Variants in CHST11 observed in about 807,000 individuals in gnomAD.
The protein encoded by CHST11 is carbohydrate sulfotransferase 11, also known as C4S-1.
In CHST11, 9 loss-of-function variants were observed where a neutral mutation model predicts 30.4. That is an observed-to-expected ratio of 0.30 (90% CI 0.18 to 0.52). CHST11 has a LOEUF of 0.52. Ranked by LOEUF, CHST11 falls within the 20% of genes least tolerant of loss-of-function variation. The probability of loss-of-function intolerance (pLI) is 0.97; values close to 1 mark genes in which losing one functional copy is unlikely to be tolerated. For synonymous variants in CHST11, 152 were observed against 187.8 expected, an observed-to-expected ratio of 0.81 and a Z score of 1.56; for missense variants, 348 against 460.6, an observed-to-expected ratio of 0.76 and a Z score of 2.24.
intron 1 of CHST11, among the ~76,000 whole-genome samples, chr12:104,508,654 A>T (rs1188020592): frequency 6.6e-6 from 1 of 152,194 alleles, no homozygotes; most frequent in African/African-American, 2.4e-5. Context: ...AGCCTGGATT[A>T]TCCAACCATC....
At chr12:104,658,408 A>G (rs2136086406) in intron 2 of CHST11, among the ~76,000 whole-genome samples, 1 of 152,270 alleles carries the variant, frequency 6.6e-6, no homozygotes, top group South Asian at 2.1e-4. Flanking sequence ...TCATGATACC[A>G]GACACATTAG....
At chr12:104,752,520 A>G (rs202058496) in intron 2 of CHST11, among the ~76,000 whole-genome samples, 2,547 of 151,016 alleles carry the variant, frequency 0.017, 29 homozygotes, top group East Asian at 0.049. Flanking sequence ...TTATTTATTT[A>G]TTTATTTATT....
At chr12:104,647,889 C>T (rs189833695) in intron 2 of CHST11, among the ~76,000 whole-genome samples, 7 of 152,344 alleles carry the variant, frequency 4.6e-5, no homozygotes, top group African/African-American at 1.4e-4. Flanking sequence ...CAAGTTCGTA[C>T]TTTTCCACGT....
intron 2 of CHST11, among the ~76,000 whole-genome samples, chr12:104,619,361 T>TA (rs1337719470): frequency 6.6e-6 from 1 of 151,676 alleles, no homozygotes; most frequent in Non-Finnish European, 1.5e-5. Context: ...GGCTTGGAAC[T>TA]TTTTTTTTAA....
chr12:104,706,540 C>T (rs1227376598), intron 2 of CHST11, among the ~76,000 whole-genome samples: 1 of 151,902 alleles, frequency 6.6e-6, no homozygotes, highest in Non-Finnish European at 1.5e-5. Flanking sequence ...TGAGAAGCGA[C>T]CCCCTGGCAG....
chr12:104,669,055 C>G (rs750250876), intron 2 of CHST11, among the ~76,000 whole-genome samples: 2 of 152,204 alleles, frequency 1.3e-5, no homozygotes, highest in African/African-American at 2.4e-5. Flanking sequence ...AGGAACACGG[C>G]CCCCAGGCAC....
At chr12:104,710,520 C>T (rs1233519777) in intron 2 of CHST11, among the ~76,000 whole-genome samples, 2 of 152,142 alleles carry the variant, frequency 1.3e-5, no homozygotes, top group Non-Finnish European at 2.9e-5. Context: ...GGGGACCCCT[C>T]CTCCTGGACA....
intron 2 of CHST11, among the ~76,000 whole-genome samples, chr12:104,740,448 A>G (rs1329830565): frequency 6.6e-6 from 1 of 152,170 alleles, no homozygotes; most frequent in Non-Finnish European, 1.5e-5. Context: ...GGTGGATAGA[A>G]GGAGAAAATC....
intron 1 of CHST11, among the ~76,000 whole-genome samples, chr12:104,524,597 C>T (rs575341716): frequency 2.0e-5 from 3 of 152,190 alleles, no homozygotes; most frequent in African/African-American, 7.2e-5. Context: ...CATCCACTCA[C>T]CTACTCTTCT....
intron 2 of CHST11, among the ~76,000 whole-genome samples, chr12:104,666,978 A>C (rs2039648433): frequency 6.6e-6 from 1 of 152,224 alleles, no homozygotes; most frequent in Non-Finnish European, 1.5e-5. Flanking sequence ...GGGGCCTGGC[A>C]AATAGGAGGT....
chr12:104,521,397 C>T (rs769870229), intron 1 of CHST11, among the ~76,000 whole-genome samples: 4 of 152,182 alleles, frequency 2.6e-5, no homozygotes, highest in African/African-American at 4.8e-5. Flanking sequence ...TTTGTCTGGT[C>T]AGCCTGGTTG....
chr12:104,683,540 G>A (rs989636254), intron 2 of CHST11, among the ~76,000 whole-genome samples: 2 of 152,060 alleles, frequency 1.3e-5, no homozygotes, highest in Non-Finnish European at 2.9e-5. Flanking sequence ...TTGAAATATG[G>A]TATTCAGAAA....
At chr12:104,529,479 G>A (rs1175545481) in intron 1 of CHST11, among the ~76,000 whole-genome samples, 1 of 152,206 alleles carries the variant, frequency 6.6e-6, no homozygotes, top group African/African-American at 2.4e-5. Flanking sequence ...TGCTTTGACA[G>A]AGAGGCCCCA....
At chr12:104,470,453 C>A (rs1400620847) in intron 1 of CHST11, among the ~76,000 whole-genome samples, 2 of 152,096 alleles carry the variant, frequency 1.3e-5, no homozygotes, top group Non-Finnish European at 2.9e-5. Flanking sequence ...GGGAAACCAC[C>A]CCCATGATCC....
chr12:104,558,963 A>C (rs145449950), intron 1 of CHST11, among the ~76,000 whole-genome samples: 1 of 152,006 alleles, frequency 6.6e-6, no homozygotes, highest in South Asian at 2.1e-4. Flanking sequence ...ACCCATCTTA[A>C]TAGCACAGCT....
intron 2 of CHST11, among the ~76,000 whole-genome samples, chr12:104,732,857 G>C (rs1198985973): frequency 1.3e-5 from 2 of 152,266 alleles, no homozygotes; most frequent in Non-Finnish European, 2.9e-5. Flanking sequence ...TGATTTTGCA[G>C]TGACATCGGA....
intron 1 of CHST11, among the ~76,000 whole-genome samples, chr12:104,571,919 A>T (rs1280201507): frequency 6.6e-6 from 1 of 152,218 alleles, no homozygotes; most frequent in Non-Finnish European, 1.5e-5. Context: ...AGTTTTTAGC[A>T]TGAAGGGTTG....
At chr12:104,546,893 G>C (rs2038356302) in intron 1 of CHST11, among the ~76,000 whole-genome samples, 2 of 152,368 alleles carry the variant, frequency 1.3e-5, no homozygotes, top group Admixed American at 1.3e-4. Context: ...GTCCCAGGCT[G>C]TGCCTTTTAG....
At chr12:104,619,247 C>T (rs1300642725) in intron 2 of CHST11, among the ~76,000 whole-genome samples, 1 of 152,236 alleles carries the variant, frequency 6.6e-6, no homozygotes, top group Non-Finnish European at 1.5e-5. Context: ...TAGAAACTCA[C>T]TCAGACCCCT....
Sources: allele counts gnomAD v4.1 joint callset (sites outside exome capture counted in the v4.1 genomes callset), GRCh38; gene constraint gnomAD v4.1.1; transcripts MANE v1.5; gene names NCBI Gene and HGNC (gene_info 2026-07-23, HGNC 2026-07-21).